BST2: variants seen among roughly 807,000 people sequenced by gnomAD.
The protein encoded by BST2 is bone marrow stromal cell antigen 2.
Under a neutral mutation model 18.6 loss-of-function variants are expected in BST2, and 10 were observed. The ratio of observed to expected loss-of-function variants is 0.54; its 90% CI spans 0.33 to 0.91. The LOEUF is 0.91. BST2 is among the 40% of genes least tolerant of loss of function. The probability of loss-of-function intolerance (pLI) is 0.02; values close to 1 mark genes in which losing one functional copy is unlikely to be tolerated. For missense variants in BST2, 183 were observed against 228.4 expected (o/e 0.80, Z 1.28); for synonymous variants, 75 against 96.8 (o/e 0.77, Z 1.32).
In BST2 at chr19:17,405,560, A is replaced by G; in HGVS notation, c.16T>C (p.Tyr6His). MASTSYDYCRVPMEDG... is the reference protein window; with the variant it reads MASTSHDYCRVPMEDG... ...TCCATGGGCACTCTGCAATAGTCATACGAAGTAGATGCCATCCAGATCTCC... is the reference window on the plus strand; with the variant it reads ...TCCATGGGCACTCTGCAATAGTCATGCGAAGTAGATGCCATCCAGATCTCC... Residue 6 changes from tyrosine to histidine, a missense_variant, in exon 1 of 5, where the codon TAT becomes CAT. Transcript: ENST00000252593. 6.2e-7 allele frequency: 1 copy of G among 1,607,692 alleles called. No individual in the cohort carries two copies. Among genetic ancestry groups the G allele is most frequent in the Non-Finnish European group, 8.5e-7 (1 of 1,178,160 alleles).
intron 3 of BST2, 98 bp downstream of exon 3, chr19:17,404,031 G>T (rs1451098014): frequency 1.4e-6 from 2 of 1,420,122 alleles, no homozygotes; most frequent in African/African-American, 2.8e-5. Context: ...GGGCAATGGG[G>T]ATTTTGGGAG....
Position 17,405,517 on chromosome 19 carries a change from C to T in BST2, c.59G>A (p.Cys20Tyr), listed in dbSNP as rs1454673628. ...AATTCCTATCCCCAGCAGAAGCTTA[C>T]AGCGCTTATCCCCGTCTTCCATGGG... ...RVPMEDGDKRCKLLLGIGILV... is the reference protein window; with the variant it reads ...RVPMEDGDKRYKLLLGIGILV... The change falls in exon 1 of 5, where the codon TGT becomes TAT. Residue 20 changes from cysteine to tyrosine, a missense_variant. Transcript: ENST00000252593. The T allele has an allele frequency of 1.2e-6, 2 of 1,614,108 alleles. No individual in the cohort carries two copies. The highest frequency in any genetic ancestry group is 2.7e-5 in the African/African-American group (2 of 74,946).
intron 1 of BST2, among the ~76,000 whole-genome samples, chr19:17,404,723 C>T (rs1278623355): frequency 6.6e-6 from 1 of 152,182 alleles, no homozygotes; most frequent in Non-Finnish European, 1.5e-5. Flanking sequence ...GTGGACATTT[C>T]CAGATTGCCT....
In BST2 at chr19:17,403,260, C is replaced by T; in HGVS notation, c.*82G>A. 9.7e-7 allele frequency: 1 copy of T among 1,026,702 alleles called. No homozygotes were observed. Among genetic ancestry groups the T allele is most frequent in the South Asian group, 3.4e-5 (1 of 29,724 alleles). 63.6% of individuals were successfully genotyped at this position (1,026,702 alleles called of 1,614,324 possible). A position where few individuals can be genotyped will look rare whatever the true frequency, so the allele number is the denominator to read the frequency against. On this transcript the variant is annotated 3_prime_UTR_variant, in exon 5 of 5. Transcript: ENST00000252593. ...TAACCGTGTTGCCCCATGACCCGCT[C>T]AGAACTGATGAGATCAAGGGAATGT... is the stretch of plus-strand genomic sequence containing the variant.
At position 17,405,592 on chromosome 19, in the gene BST2, G is replaced by GCTGAA. The variant is rs1568385549; in HGVS notation, c.-18_-17insTTCAG. On this transcript the variant is annotated 5_prime_UTR_variant, in exon 1 of 5. Transcript: ENST00000252593. ...AGATGCCATCCAGATCTCCCCTTTA[G>GCTGAA]AGTCTGGCCTGGAGTTAGGGGAGGG... 1 of 1,444,856 alleles carries GCTGAA rather than the reference G, an allele frequency of 6.9e-7. No individual in the cohort carries two copies. The highest frequency in any genetic ancestry group is 1.2e-5 in the South Asian group (1 of 83,908). The allele number at this position is 1,444,856 out of a possible 1,614,324, so 89.5% of individuals were successfully genotyped here. A position where few individuals can be genotyped will look rare whatever the true frequency, so the allele number is the denominator to read the frequency against.
rs1229240128 is a variant in BST2, at chr19:17,403,043, A to G, written c.*299T>C. On this transcript the variant is annotated 3_prime_UTR_variant, in exon 5 of 5. Transcript: ENST00000252593. ...AAAAACCCATAACAACAGGCAGCAC[A>G]TGCCCCCCACACCGCACCCCATGCC... 1 of 984,382 alleles carries G rather than the reference A, an allele frequency of 1.0e-6. No individual in the cohort carries two copies. Among genetic ancestry groups the G allele is most frequent in the East Asian group, 1.1e-4 (1 of 8,728 alleles). 61.0% of individuals were successfully genotyped at this position (984,382 alleles called of 1,614,324 possible).
At chr19:17,403,627 C>T in intron 4 of BST2, 53 bp downstream of exon 4, 2 of 1,562,530 alleles carry the variant, frequency 1.3e-6, no homozygotes, top group Non-Finnish European at 1.7e-6. Context: ...TGCTTCCCCG[C>T]CCCGCTTCCC....
rs779219212 is a variant in BST2 at position 17,404,488 on chromosome 19, C to G, written c.286-51G>C. 9.9e-6 allele frequency: 16 copies of G among 1,613,392 alleles called. No homozygotes were observed. The African/African-American group carries it at 2.0e-4, about 20-fold the overall frequency. Reference sequence around the variant, plus strand: ...TTGGCCTGGGGAGTTTGGCTGCTGCCCCTGGGACCTGGGCCTCCTCCCTAG... The same window carrying G: ...TTGGCCTGGGGAGTTTGGCTGCTGCGCCTGGGACCTGGGCCTCCTCCCTAG... On this transcript the variant is annotated intron_variant, in intron 1 of 4. Transcript: ENST00000252593.
At chr19:17,404,618 C>T (rs2074715464) in intron 1 of BST2, 181 bp from the exon 2 acceptor site, 1 of 842,484 alleles carries the variant, frequency 1.2e-6, no homozygotes, top group South Asian at 1.8e-5. Flanking sequence ...ACCACACACT[C>T]TCCCAGGGCC....
At chr19:17,404,569 T>A in intron 1 of BST2, 132 bp from the exon 2 acceptor site, 1 of 1,355,346 alleles carries the variant, frequency 7.4e-7, no homozygotes, top group Admixed American at 2.0e-5. Context: ...CTTCCAACCC[T>A]CTCTGCACCA....
intron 3 of BST2, 125 bp downstream of exon 3, chr19:17,404,004 T>C: frequency 1.5e-6 from 2 of 1,347,938 alleles, no homozygotes; most frequent in Admixed American, 4.1e-5. Flanking sequence ...TTTGTGGGAC[T>C]CAAACTTTAT....
chr19:17,404,271 TC>T, intron 2 of BST2, 82 bp from the exon 3 acceptor site: 1 of 1,552,630 alleles, frequency 6.4e-7, no homozygotes. Context: ...GGACAGAACC[TC>T]CCCCTTACCC....
rs372113445 is a variant in BST2, at chr19:17,403,828, C to A, written c.414-4G>T. 128 of 1,477,812 alleles carry A rather than the reference C, an allele frequency of 8.7e-5. No individual in the cohort carries two copies. Among genetic ancestry groups the A allele is most frequent in the South Asian group, 2.7e-4 (23 of 86,454 alleles). The allele number at this position is 1,477,812 out of a possible 1,614,324, so 91.5% of individuals were successfully genotyped here. A position where few individuals can be genotyped will look rare whatever the true frequency, so the allele number is the denominator to read the frequency against. The stretch of plus-strand genomic sequence containing the variant: ...GCTTAAGACCTGGTTTTCTCTTCTG[C>A]GGTACAGATGGCAAATCAGGCATCT... On this transcript the variant is annotated splice_polypyrimidine_tract_variant and splice_region_variant and intron_variant, in intron 3 of 4. Coordinates refer to ENST00000252593, the MANE Select transcript of BST2 (RefSeq NM_004335.4).
In BST2 at chr19:17,403,187, C is replaced by T; in HGVS notation, c.*155G>A. 1 of 995,370 alleles carries T rather than the reference C, an allele frequency of 1.0e-6. No individual in the cohort carries two copies. The highest frequency in any genetic ancestry group is 4.3e-5 in the South Asian group (1 of 23,078). The allele number at this position is 995,370 out of a possible 1,614,324, so 61.7% of individuals were successfully genotyped here. A position where few individuals can be genotyped will look rare whatever the true frequency, so the allele number is the denominator to read the frequency against. ...ACCCAGGACTTCCCCATGGCCCCTC[C>T]AGACCTGCTCCAGAGGCCCTTCTCC... On this transcript the variant is annotated 3_prime_UTR_variant, in exon 5 of 5. Transcript: ENST00000252593.
chr19:17,404,194 T>C lies in BST2; in HGVS notation c.353-5A>G. 1 of 1,602,454 alleles carries C rather than the reference T, an allele frequency of 6.2e-7. No individual in the cohort carries two copies. The highest frequency in any genetic ancestry group is 8.5e-7 in the Non-Finnish European group (1 of 1,174,214). ...GGTTTAATGTAGTGATCTCTCCTGG[T>C]AGGGTGGGAGGACAGAAACAGGGGG... On this transcript the variant is annotated splice_polypyrimidine_tract_variant and splice_region_variant and intron_variant, in intron 2 of 4. Transcript: ENST00000252593.
chr19:17,405,231 G>A, intron 1 of BST2, 60 bp downstream of exon 1: 1 of 1,514,282 alleles, frequency 6.6e-7, no homozygotes, highest in Non-Finnish European at 8.8e-7. Flanking sequence ...TTTCTGGGGA[G>A]AGATTCTTGT....
chr19:17,404,012 T>C, intron 3 of BST2, 117 bp downstream of exon 3: 2 of 1,368,468 alleles, frequency 1.5e-6, no homozygotes, highest in Non-Finnish European at 2.0e-6. Flanking sequence ...ACTCAAACTT[T>C]ATCCCTTGGG....
intron 1 of BST2, among the ~76,000 whole-genome samples, chr19:17,404,762 C>T (rs1471508131): frequency 6.6e-6 from 1 of 152,152 alleles, no homozygotes; most frequent in Non-Finnish European, 1.5e-5. Flanking sequence ...AGTTAGAGGG[C>T]CCTACCAAAT....
intron 3 of BST2, 109 bp from the exon 4 acceptor site, chr19:17,403,933 C>T: frequency 6.9e-7 from 1 of 1,458,780 alleles, no homozygotes; most frequent in South Asian, 1.3e-5. Context: ...ATCCAAGTCA[C>T]CGGGGAGGGA....
Sources: allele counts gnomAD v4.1 joint callset (sites outside exome capture counted in the v4.1 genomes callset), GRCh38; gene constraint gnomAD v4.1.1; transcripts MANE v1.5; gene names NCBI Gene and HGNC (gene_info 2026-07-23, HGNC 2026-07-21).